Variants in RASGRP4 observed in about 807,000 individuals in gnomAD.
RASGRP4 encodes the protein RAS guanyl-releasing protein 4.
In RASGRP4, 52 loss-of-function variants were observed where a neutral mutation model predicts 84.4. The ratio of observed to expected loss-of-function variants is 0.62; its 90% confidence interval spans 0.49 to 0.78. The LOEUF is 0.78. Ranked by LOEUF, RASGRP4 falls within the 30% of genes least tolerant of loss-of-function variation. The probability of loss-of-function intolerance (pLI) is 0.00; values close to 1 mark genes in which losing one functional copy is unlikely to be tolerated. For synonymous variants in RASGRP4, 356 were observed against 359.1 expected, an observed-to-expected ratio of 0.99 and a Z score of 0.10; for missense variants, 760 against 886.9, an observed-to-expected ratio of 0.86 and a Z score of 1.82.
rs543202600 is a variant in RASGRP4 at position 38,409,793 on chromosome 19, A to G, written c.*247T>C. The G allele has an allele frequency of 2.6e-6, 1 of 383,052 alleles. No homozygotes were observed. Among genetic ancestry groups the G allele is most frequent in the Admixed American group, 4.7e-5 (1 of 21,336 alleles). 23.7% of individuals were successfully genotyped at this position (383,052 alleles called of 1,614,324 possible). On this transcript the variant is annotated 3_prime_UTR_variant, in exon 17 of 17. Transcript: ENST00000615439. ...TTGGTAGAATGAGGCCTGAGTCTAA[A>G]TGTATCCAACACACAGCCGCACAGA...
chr19:38,414,446 C>A (rs566199874), intron 9 of RASGRP4, among the ~76,000 whole-genome samples: 1 of 152,244 alleles, frequency 6.6e-6, no homozygotes, highest in East Asian at 1.9e-4. Context: ...CCTGCCTCAG[C>A]CTCCCAAGTA....
At position 38,412,087 on chromosome 19, in the gene RASGRP4, TTGTTGTTGTTGTTGTTG is replaced by T. The variant is rs1568407150; in HGVS notation, c.1680+568_1680+584del. 6.7e-3 allele frequency among the ~76,000 whole-genome samples: 485 copies of T among 71,902 alleles called. 4 individuals carry two copies. The highest frequency in any genetic ancestry group is 0.014 in the Non-Finnish European group (341 of 24,880). 47.2% of individuals were successfully genotyped at this position (71,902 alleles called of 152,430 possible). ...CCGGTTTGGAGATTATCCAGGTTTG[TTGTTGTTGTTGTTGTTG>T]TTGTTGTTGTTGTTGTTGTTGTTGT... On this transcript the variant is annotated intron_variant, in intron 13 of 16. Transcript: ENST00000615439. The surrounding 1 kb of genome is among the most constrained non-coding windows in gnomAD (Gnocchi z 4.6).
In RASGRP4 at chr19:38,411,224, G is replaced by T. The variant is rs552954609; in HGVS notation, c.1743C>A (p.His581Gln). 9 of 1,614,000 alleles carry T rather than the reference G, an allele frequency of 5.6e-6. No individual in the cohort carries two copies. Among genetic ancestry groups the T allele is most frequent in the African/African-American group, 4.0e-5 (3 of 75,052 alleles). Residue 581 changes from histidine to glutamine, a missense_variant, in exon 15 of 17, where the codon CAC becomes CAA. His to Gln is a conservative substitution (Grantham distance 24). Transcript: ENST00000615439. ...CRECGLCCHK[H>Q]CRDQVKVECK... ...ATTCTACCTTCACCTGGTCTCTGCA[G>T]TGTTTGTGGCAACACAGCCCGCACT...
intron 1 of RASGRP4, among the ~76,000 whole-genome samples, 165 bp from the exon 2 acceptor site, chr19:38,422,318 A>G (rs1971793304): frequency 6.6e-6 from 1 of 152,174 alleles, no homozygotes; most frequent in Non-Finnish European, 1.5e-5. Flanking sequence ...ATCCCCAGGA[A>G]TATTCCAGAT....
Position 38,412,966 on chromosome 19 carries a change from G to A in RASGRP4, c.1500C>T (p.Phe500=), listed in dbSNP as rs778206870. ...DFERLSGNFP[F]ACHGLHPPPR... The stretch of plus-strand genomic sequence containing the variant: ...GGGGTGGGTGAAGCCCATGGCAGGC[G>A]AAGGGAAAATTGCCCGAGAGTCGCT... Residue 500 remains phenylalanine, a synonymous_variant, in exon 12 of 17, where the codon TTC becomes TTT. Transcript: ENST00000615439. The surrounding 1 kb of genome is among the most constrained non-coding windows in gnomAD (Gnocchi z 4.6). 21 of 1,613,904 alleles carry A rather than the reference G, an allele frequency of 1.3e-5. No individual in the cohort carries two copies. The Middle Eastern group carries it at 6.6e-4, about 51-fold the overall frequency.
chr19:38,412,521 G>T lies in RASGRP4; in HGVS notation c.1680+151C>A. The T allele has an allele frequency of 1.4e-6, 1 of 721,178 alleles. No homozygotes were observed. Among genetic ancestry groups the T allele is most frequent in the Non-Finnish European group, 2.2e-6 (1 of 446,096 alleles). 44.7% of individuals were successfully genotyped at this position (721,178 alleles called of 1,614,324 possible). A position where few individuals can be genotyped will look rare whatever the true frequency, so the allele number is the denominator to read the frequency against. On this transcript the variant is annotated intron_variant, in intron 13 of 16. Transcript: ENST00000615439. This position sits in a 1 kb window ranked among gnomAD's most constrained non-coding sequence, Gnocchi z 4.6. ...TATCTGGCATTTGGAGATTATCCAG[G>T]ATATAGGGAATGTCTGGTGTTTAGG...
intron 2 of RASGRP4, 84 bp from the exon 3 acceptor site, chr19:38,421,284 G>C: frequency 1.0e-6 from 1 of 990,186 alleles, no homozygotes; most frequent in Admixed American, 1.8e-5. Context: ...GGACCACCTG[G>C]TTCAAAGACC....
Position 38,410,870 on chromosome 19 carries a change from G to A in RASGRP4, c.1965+16C>T. 1 of 1,553,936 alleles carries A rather than the reference G, an allele frequency of 6.4e-7. No individual in the cohort carries two copies. Among genetic ancestry groups the A allele is most frequent in the Non-Finnish European group, 8.8e-7 (1 of 1,141,394 alleles). On this transcript the variant is annotated intron_variant, in intron 16 of 16. Coordinates refer to ENST00000615439, the MANE Select transcript of RASGRP4 (RefSeq NM_170604.3). ...TCCCCTGTATCCACTTGGGGGTAGG[G>A]GCGGTTTCTCCTCACCGTATCTGTT... is the stretch of plus-strand genomic sequence containing the variant.
chr19:38,425,852 G>A (rs943993067), intron 1 of RASGRP4, among the ~76,000 whole-genome samples: 1 of 152,122 alleles, frequency 6.6e-6, no homozygotes, highest in Non-Finnish European at 1.5e-5. Flanking sequence ...GGGGCACGGA[G>A]CAGCTCAAAC....
chr19:38,424,982 G>A (rs974970158), intron 1 of RASGRP4, among the ~76,000 whole-genome samples: 4 of 151,728 alleles, frequency 2.6e-5, no homozygotes, highest in African/African-American at 7.3e-5. Context: ...TCAAGAGATC[G>A]AGACCATCCT....
intron 4 of RASGRP4, 108 bp from the exon 5 acceptor site, chr19:38,420,370 A>C: frequency 4.1e-5 from 48 of 1,163,888 alleles, no homozygotes; most frequent in East Asian, 2.3e-4. Context: ...GGGTCTCTAA[A>C]TGTGTGTGGG....
intron 2 of RASGRP4, 54 bp downstream of exon 2, chr19:38,421,915 G>C: frequency 6.6e-7 from 1 of 1,506,784 alleles, no homozygotes; most frequent in South Asian, 1.2e-5. Flanking sequence ...GGAGAGAAGC[G>C]AGTGCTGAGC....
chr19:38,424,625 G>A, intron 1 of RASGRP4, among the ~76,000 whole-genome samples: 1 of 141,958 alleles, frequency 7.0e-6, no homozygotes, highest in East Asian at 2.4e-4. Context: ...ATGGGGGGGG[G>A]GGTCTCACTA....
intron 8 of RASGRP4, 131 bp downstream of exon 8, chr19:38,416,921 G>C: frequency 3.1e-6 from 2 of 649,076 alleles, no homozygotes; most frequent in East Asian, 2.7e-5. Flanking sequence ...TGGGGGTCTG[G>C]GATTTGGAGG....
Position 38,412,746 on chromosome 19 carries a change from C to G in RASGRP4, c.1606G>C (p.Gly536Arg). Residue 536 changes from glycine (G) to arginine (R), a missense_variant, in exon 13 of 17, where the codon GGC becomes CGC. Transcript: ENST00000615439. This position sits in a 1 kb window ranked among gnomAD's most constrained non-coding sequence, Gnocchi z 4.6. ...TGGAAGGTGTGCAGGAAGGCCAGGCCCAACTTGGAGCAGATGGCGCTGGCC... is the reference window on the plus strand; with the variant it reads ...TGGAAGGTGTGCAGGAAGGCCAGGCGCAACTTGGAGCAGATGGCGCTGGCC... ...LRASAICSKL[G>R]LAFLHTFHEV... The G allele has an allele frequency of 6.2e-7, 1 of 1,611,766 alleles. No homozygotes were observed.
Position 38,409,075 on chromosome 19 carries a change from A to T in RASGRP4, c.*965T>A. ...CCATGTTCTCCAGAGAATAAATTTA[A>T]TTTATGACAGCTGTAGGACCTCTCT... On this transcript the variant is annotated 3_prime_UTR_variant, in exon 17 of 17. Coordinates refer to ENST00000615439, the MANE Select transcript of RASGRP4 (RefSeq NM_170604.3). 3 of 439,400 alleles carry T rather than the reference A, an allele frequency of 6.8e-6. No individual in the cohort carries two copies. The highest frequency in any genetic ancestry group is 4.6e-5 in the Admixed American group (1 of 21,962). The allele number at this position is 439,400 out of a possible 1,614,324, so 27.2% of individuals were successfully genotyped here. A position where few individuals can be genotyped will look rare whatever the true frequency, so the allele number is the denominator to read the frequency against.
At chr19:38,419,013 T>C (rs907728889) in intron 6 of RASGRP4, among the ~76,000 whole-genome samples, 1 of 152,170 alleles carries the variant, frequency 6.6e-6, no homozygotes, top group Admixed American at 6.5e-5. Context: ...CTATCTGTTC[T>C]GCCCAAGGAG....
Position 38,413,479 on chromosome 19 carries a change from A to G in RASGRP4, c.1231-5T>C. 6.3e-7 allele frequency: 1 copy of G among 1,589,856 alleles called. No individual in the cohort carries two copies. The highest frequency in any genetic ancestry group is 2.3e-5 in the East Asian group (1 of 43,642). On this transcript the variant is annotated splice_polypyrimidine_tract_variant and splice_region_variant and intron_variant, in intron 9 of 16. Transcript: ENST00000615439. The surrounding 1 kb of genome is among the most constrained non-coding windows in gnomAD (Gnocchi z 4.7). ...GTAGAAGAGGTCCAGGGAGAGCTGG[A>G]GCAGACAGGGGTGTTACGGATCCTC...
Position 38,422,078 on chromosome 19 carries a change from G to A in RASGRP4, c.99C>T (p.Cys33=), listed in dbSNP as rs1392290595. The A allele has an allele frequency of 1.2e-6, 2 of 1,613,752 alleles. No individual in the cohort carries two copies. The highest frequency in any genetic ancestry group is 2.2e-5 in the East Asian group (1 of 44,876). The part of the protein sequence containing the change: ...RPRQVRRHKT[C]PSPREISKVM... ...CCTTGCTGATTTCCCGAGGGCTGGG[G>A]CATGTCTTGTGGCGGCGCACTTGGC... is the stretch of plus-strand genomic sequence containing the variant. Residue 33 remains cysteine, a synonymous_variant, in exon 2 of 17, where the codon TGC becomes TGT. Coordinates refer to ENST00000615439, the MANE Select transcript of RASGRP4 (RefSeq NM_170604.3).
Sources: allele counts gnomAD v4.1 joint callset (sites outside exome capture counted in the v4.1 genomes callset), GRCh38; gene constraint gnomAD v4.1.1; non-coding constraint Gnocchi (gnomAD v3.1); transcripts MANE v1.5; gene names NCBI Gene and HGNC (gene_info 2026-07-23, HGNC 2026-07-21).